Variants in SRRD observed in about 807,000 individuals in gnomAD.
SRRD encodes SRR1 domain containing.
SRRD carries 28 observed loss-of-function variants against 30.7 expected under a neutral mutation model. The ratio of observed to expected loss-of-function variants is 0.91; its 90% CI spans 0.68 to 1.25. SRRD has a LOEUF of 1.25. Ranked by LOEUF, SRRD falls within the 50% of genes most tolerant of loss-of-function variation. The pLI is 0.00. For missense variants in SRRD, 415 were observed against 417.3 expected, an observed-to-expected ratio of 0.99 and a Z score of 0.05; for synonymous variants, 161 against 159.6, an observed-to-expected ratio of 1.01 and a Z score of -0.07.
In SRRD at chr22:26,484,017, G is replaced by T; in HGVS notation, c.127G>T (p.Gly43Trp). 2 of 1,417,188 alleles carry T rather than the reference G, an allele frequency of 1.4e-6. No homozygotes were observed. Among genetic ancestry groups the T allele is most frequent in the Non-Finnish European group, 1.8e-6 (2 of 1,088,682 alleles). 87.8% of individuals were successfully genotyped at this position (1,417,188 alleles called of 1,614,324 possible). The change falls in exon 1 of 7, where the codon GGG becomes TGG. Residue 43 changes from glycine to tryptophan, a missense_variant. By Grantham distance (184) the Gly-to-Trp change is radical. Transcript: ENST00000215917. ...CCGGGGGAGAGAGGCGGCGCCCCGG[G>T]GGAGAGAGGCGGCGCCCCGGGGCCC... Reference protein sequence around the residue: ...APRGREAAPRGREAAPRGPEA... With the variant: ...APRGREAAPRWREAAPRGPEA...
At chr22:26,490,370 A>G (rs897736651) in intron 5 of SRRD, among the ~76,000 whole-genome samples, 172 bp downstream of exon 5, 2 of 152,112 alleles carry the variant, frequency 1.3e-5, no homozygotes, top group Non-Finnish European at 2.9e-5. Context: ...CGAACTATGA[A>G]GCAAGTTAAG....
chr22:26,489,140 AT>A (rs1482996383), intron 4 of SRRD, among the ~76,000 whole-genome samples: 1 of 152,160 alleles, frequency 6.6e-6, no homozygotes, highest in Admixed American at 6.5e-5. Flanking sequence ...CTTATTATGT[AT>A]GAAAATTTGG....
At position 26,494,205 on chromosome 22, in the gene SRRD, G is replaced by A. The variant is rs780374673; in HGVS notation, c.*2533G>A. On this transcript the variant is annotated 3_prime_UTR_variant, in exon 7 of 7. Coordinates refer to ENST00000215917, the MANE Select transcript of SRRD (RefSeq NM_001013694.3). ...TCATTAAATTTGTCCTTGACAGATG[G>A]ATGTGCCAGCACTTGGTCTGAGAAC... 5.0e-6 allele frequency: 8 copies of A among 1,614,092 alleles called. No homozygotes were observed. The highest frequency in any genetic ancestry group is 6.8e-6 in the Non-Finnish European group (8 of 1,180,050).
Position 26,491,941 on chromosome 22 carries a change from T to G in SRRD, c.*269T>G. On this transcript the variant is annotated 3_prime_UTR_variant, in exon 7 of 7. Transcript: ENST00000215917. Reference sequence around the variant, plus strand: ...AGAAGTTACCCTTTTGAAGGTGATCTAAAAATACTGTTTATTTACAGTACA... The same window carrying G: ...AGAAGTTACCCTTTTGAAGGTGATCGAAAAATACTGTTTATTTACAGTACA... The G allele has an allele frequency of 7.1e-7, 1 of 1,414,480 alleles. No homozygotes were observed. Among genetic ancestry groups the G allele is most frequent in the Non-Finnish European group, 9.6e-7 (1 of 1,040,034 alleles). 87.6% of individuals were successfully genotyped at this position (1,414,480 alleles called of 1,614,324 possible). A position where few individuals can be genotyped will look rare whatever the true frequency, so the allele number is the denominator to read the frequency against.
At position 26,494,061 on chromosome 22, in the gene SRRD, ACT is replaced by A. The variant is rs1921596422; in HGVS notation, c.*2392_*2393del. 2.0e-6 allele frequency: 3 copies of A among 1,533,948 alleles called. No individual in the cohort carries two copies. The highest frequency in any genetic ancestry group is 1.2e-5 in the South Asian group (1 of 82,676). Reference sequence around the variant, plus strand: ...TTAGGCTGCCTACAGGAACCAGAAAACTCTGATTCTGTGTCATTTACATGTGT... The same window carrying A: ...TTAGGCTGCCTACAGGAACCAGAAAACTGATTCTGTGTCATTTACATGTGT... On this transcript the variant is annotated 3_prime_UTR_variant, in exon 7 of 7. Transcript: ENST00000215917.
chr22:26,494,009 G>T lies in SRRD; in HGVS notation c.*2337G>T. 3 of 1,000,130 alleles carry T rather than the reference G, an allele frequency of 3.0e-6. No homozygotes were observed. The highest frequency in any genetic ancestry group is 1.7e-5 in the South Asian group (1 of 60,542). The allele number at this position is 1,000,130 out of a possible 1,614,324, so 62.0% of individuals were successfully genotyped here. A position where few individuals can be genotyped will look rare whatever the true frequency, so the allele number is the denominator to read the frequency against. On this transcript the variant is annotated 3_prime_UTR_variant, in exon 7 of 7. Transcript: ENST00000215917. ...CCAGTCAGCAGGGTGAGAGTCTGTT[G>T]CTATGTGCAAAAGTGTGACCTAAGG...
rs377270120 is a variant in SRRD at position 26,490,094 on chromosome 22, T to C, written c.660T>C (p.His220=). Reference sequence around the variant, plus strand: ...AGCCTACCATCTTTTACATGCTCCATTGTGGGACGGCCTTGTACAACAATC... The same window carrying C: ...AGCCTACCATCTTTTACATGCTCCACTGTGGGACGGCCTTGTACAACAATC... ...RGEPTIFYML[H]CGTALYNNLL... is the part of the protein sequence containing the mutation. Residue 220 remains histidine, a synonymous_variant, in exon 5 of 7, where the codon CAT becomes CAC. Coordinates refer to ENST00000215917, the MANE Select transcript of SRRD (RefSeq NM_001013694.3). The C allele has an allele frequency of 2.2e-5, 35 of 1,614,014 alleles. No homozygotes were observed. The highest frequency in any genetic ancestry group is 4.0e-5 in the African/African-American group (3 of 74,912).
chr22:26,489,358 C>A (rs1056639367), intron 4 of SRRD, among the ~76,000 whole-genome samples: 12 of 151,960 alleles, frequency 7.9e-5, no homozygotes, highest in African/African-American at 2.9e-4. Flanking sequence ...CCTTGTACTA[C>A]GACAGGTGTT....
At chr22:26,485,728 T>C (rs1334843601) in intron 1 of SRRD, among the ~76,000 whole-genome samples, 1 of 152,202 alleles carries the variant, frequency 6.6e-6, no homozygotes, top group Non-Finnish European at 1.5e-5. Context: ...CAACCATTTA[T>C]TGAGCTGCAA....
At position 26,488,486 on chromosome 22, in the gene SRRD, G is replaced by A. The variant is rs377743213; in HGVS notation, c.607G>A (p.Glu203Lys). 58 of 1,611,144 alleles carry A rather than the reference G, an allele frequency of 3.6e-5. No homozygotes were observed. The highest frequency in any genetic ancestry group is 4.3e-5 in the Non-Finnish European group (51 of 1,177,366). The change falls in exon 4 of 7, where the codon GAG becomes AAG. Residue 203 changes from glutamate (E) to lysine (K), a missense_variant and splice_region_variant. By Grantham distance (56) the Glu-to-Lys change is moderately conservative (BLOSUM62 1). Coordinates refer to ENST00000215917, the MANE Select transcript of SRRD (RefSeq NM_001013694.3). ...TGGTGTGACTGTTCTCAGTGAGAAC[G>A]AGGTAAGTGGTTTAAAGGGGAGCAG... ...TLGVTVLSEN[E>K]EGKRSIRGEP...
chr22:26,491,061 C>T lies in SRRD; in HGVS notation c.801C>T (p.Tyr267=). Residue 267 remains tyrosine (Y), a synonymous_variant, in exon 6 of 7, where the codon TAC becomes TAT. Coordinates refer to ENST00000215917, the MANE Select transcript of SRRD (RefSeq NM_001013694.3). ...LARILQKNYP[Y]IAKILKGLEE... Reference sequence around the variant, plus strand: ...GGATTCTGCAGAAAAATTATCCCTACATTGCAAAGGTATCTATCTGAATAA... The same window carrying T: ...GGATTCTGCAGAAAAATTATCCCTATATTGCAAAGGTATCTATCTGAATAA... 1 of 1,612,380 alleles carries T rather than the reference C, an allele frequency of 6.2e-7. No homozygotes were observed. The highest frequency in any genetic ancestry group is 2.2e-5 in the East Asian group (1 of 44,858).
At position 26,488,258 on chromosome 22, in the gene SRRD, G is replaced by GT. The variant is rs753760787; in HGVS notation, c.485dup (p.Leu162PhefsTer19). The GT allele has an allele frequency of 2.9e-5, 47 of 1,613,894 alleles. No homozygotes were observed. The Admixed American group carries it at 7.8e-4, about 27-fold the overall frequency. On this transcript the variant is annotated frameshift_variant, in exon 3 of 7. Transcript: ENST00000215917. LOFTEE classifies it high-confidence loss of function. ...GCATCGTAGCTAGAAACCAGCTAAC[G>GT]TTTTTGCTGCTTTTGTTGGAAAAGT...
intron 5 of SRRD, among the ~76,000 whole-genome samples, chr22:26,490,559 C>CTTTTGTTTTTTTTTTTTT (rs1921026177): frequency 1.9e-5 from 1 of 51,834 alleles, no homozygotes; most frequent in East Asian, 6.8e-4. Flanking sequence ...GGAATATTTG[C>CTTTTGTTTTTTTTTTTTT]TTTTTTTTTT....
At position 26,493,104 on chromosome 22, in the gene SRRD, TACA is replaced by T. The variant is rs1602191711; in HGVS notation, c.*1435_*1437del. 6.6e-6 allele frequency: 1 copy of T among 152,044 alleles called. No homozygotes were observed. The highest frequency in any genetic ancestry group is 2.4e-5 in the African/African-American group (1 of 41,390). The allele number at this position is 152,044 out of a possible 1,614,324, so 9.4% of individuals were successfully genotyped here. A position where few individuals can be genotyped will look rare whatever the true frequency, so the allele number is the denominator to read the frequency against. On this transcript the variant is annotated 3_prime_UTR_variant, in exon 7 of 7. Transcript: ENST00000215917. ...TGCAGTGCTTGCAATCTCGGCTCACTACAACCTCTGCCTCCCAGGTTTAAGCGA... is the reference window on the plus strand; with the variant it reads ...TGCAGTGCTTGCAATCTCGGCTCACTACCTCTGCCTCCCAGGTTTAAGCGA...
At position 26,483,929 on chromosome 22, in the gene SRRD, G is replaced by GGCGGCGGCTCCGCGGAAGAGGCGC. The variant is rs1396598907; in HGVS notation, c.40_63dup (p.Ala14_Arg21dup). On this transcript the variant is annotated inframe_insertion, in exon 1 of 7. Transcript: ENST00000215917. ...CAGCTGCGGCGCTGGAATCCTGGCA[G>GGCGGCGGCTCCGCGGAAGAGGCGC]GCGGCGGCTCCGCGGAAGAGGCGCT... 3 of 1,350,070 alleles carry GGCGGCGGCTCCGCGGAAGAGGCGC rather than the reference G, an allele frequency of 2.2e-6. No individual in the cohort carries two copies. Among genetic ancestry groups the GGCGGCGGCTCCGCGGAAGAGGCGC allele is most frequent in the East Asian group, 3.1e-5 (1 of 32,368 alleles). 83.6% of individuals were successfully genotyped at this position (1,350,070 alleles called of 1,614,324 possible).
At chr22:26,484,216 A>T (rs916928343) in intron 1 of SRRD, 117 bp downstream of exon 1, 7 of 1,115,736 alleles carry the variant, frequency 6.3e-6, no homozygotes, top group South Asian at 1.4e-5. Flanking sequence ...TATTGTGAAG[A>T]GTTAACGTAG....
In SRRD at chr22:26,491,667, G is replaced by A; in HGVS notation, c.1015G>A (p.Asp339Asn). The A allele has an allele frequency of 6.2e-7, 1 of 1,609,128 alleles. No homozygotes were observed. The highest frequency in any genetic ancestry group is 1.6e-4 in the Middle Eastern group (1 of 6,062). The change falls in exon 7 of 7, where the codon GAC becomes AAC. Residue 339 changes from aspartate to asparagine, a missense_variant. Asp to Asn is a conservative substitution (Grantham distance 23). Transcript: ENST00000215917. ...RNKREDPSAT[D>N] is the part of the protein sequence containing the mutation. ...CAAGAGAGAAGATCCTTCTGCTACT[G>A]ACTGAACTCGTTGTGAGGTACTCAG...
chr22:26,485,919 A>C, intron 1 of SRRD, 104 bp from the exon 2 acceptor site: 1 of 1,373,994 alleles, frequency 7.3e-7, no homozygotes, highest in Non-Finnish European at 1.0e-6. Context: ...CCTGCATTGC[A>C]GGGCACCTCA....
In SRRD at chr22:26,483,948, A is replaced by T; in HGVS notation, c.58A>T (p.Arg20Trp). The change falls in exon 1 of 7, where the codon AGG becomes TGG. Residue 20 changes from arginine to tryptophan, a missense_variant. Physicochemically the swap from Arg to Trp is moderately radical, Grantham distance 101. Coordinates refer to ENST00000215917, the MANE Select transcript of SRRD (RefSeq NM_001013694.3). ...CTGGCAGGCGGCGGCTCCGCGGAAGAGGCGCTCCGCGGCTCGACGGCCGCG... is the reference window on the plus strand; with the variant it reads ...CTGGCAGGCGGCGGCTCCGCGGAAGTGGCGCTCCGCGGCTCGACGGCCGCG... The part of the protein sequence containing the change: ...ESWQAAAPRK[R>W]RSAARRPRRR... 2 of 1,359,674 alleles carry T rather than the reference A, an allele frequency of 1.5e-6. No individual in the cohort carries two copies. The highest frequency in any genetic ancestry group is 3.6e-5 in the South Asian group (2 of 55,600). The allele number at this position is 1,359,674 out of a possible 1,614,324, so 84.2% of individuals were successfully genotyped here. A position where few individuals can be genotyped will look rare whatever the true frequency, so the allele number is the denominator to read the frequency against.
Sources: allele counts gnomAD v4.1 joint callset (sites outside exome capture counted in the v4.1 genomes callset), GRCh38; gene constraint gnomAD v4.1.1; transcripts MANE v1.5; gene names NCBI Gene and HGNC (gene_info 2026-07-23, HGNC 2026-07-21).